The following EDAR variants were observed in gnomAD, a reference collection of about 807,000 sequenced individuals.
The protein encoded by EDAR is ectodysplasin A receptor.
Under a neutral mutation model 51.3 loss-of-function variants are expected in EDAR, and 38 were observed. The ratio of observed to expected loss-of-function variants is 0.74; its 90% confidence interval spans 0.57 to 0.97. The LOEUF is 0.97. EDAR is among the 50% of genes least tolerant of loss of function. The pLI, the probability that EDAR is intolerant of heterozygous loss-of-function variation, is 0.00. For synonymous variants in EDAR, 227 were observed against 242.1 expected, an observed-to-expected ratio of 0.94 and a Z score of 0.58; for missense variants, 528 against 595.0, an observed-to-expected ratio of 0.89 and a Z score of 1.17.
chr2:108,923,899 G>A (rs1372981867), intron 4 of EDAR, among the ~76,000 whole-genome samples: 2 of 152,220 alleles, frequency 1.3e-5, no homozygotes, highest in Admixed American at 6.5e-5. Flanking sequence ...ATAGGCATCA[G>A]TGTGCCTCTG....
intron 1 of EDAR, among the ~76,000 whole-genome samples, chr2:108,950,040 G>A (rs543014168): frequency 7.9e-5 from 12 of 152,182 alleles, no homozygotes; most frequent in East Asian, 1.9e-4. Context: ...CACTGAGTGC[G>A]GCCTGGGCAT....
rs368023178 is a variant in EDAR, at chr2:108,910,566, G to A, written c.731-34C>T. 8 of 1,573,840 alleles carry A rather than the reference G, an allele frequency of 5.1e-6. No individual in the cohort carries two copies. In the South Asian group the frequency reaches 5.6e-5, roughly 11 times the overall value. On this transcript the variant is annotated intron_variant, in intron 8 of 11. Transcript: ENST00000258443. The stretch of plus-strand genomic sequence containing the variant: ...AAATGGGGAGGTTGGGGAGATAGGA[G>A]TTAGAATTGGCTCATGGCTCTGCGC...
At chr2:108,967,898 A>C (rs541181464) in intron 1 of EDAR, among the ~76,000 whole-genome samples, 5 of 152,326 alleles carry the variant, frequency 3.3e-5, no homozygotes, top group Non-Finnish European at 7.4e-5. Flanking sequence ...AAAACCCTCA[A>C]GATTAGTGAG....
At chr2:108,901,116 A>G (rs1481278228) in intron 11 of EDAR, among the ~76,000 whole-genome samples, 1 of 152,212 alleles carries the variant, frequency 6.6e-6, no homozygotes, top group Non-Finnish European at 1.5e-5. Flanking sequence ...CTTAAACCTC[A>G]ACAAATTAAA....
At chr2:108,902,859 C>T (rs1392480601) in intron 11 of EDAR, among the ~76,000 whole-genome samples, 1 of 152,148 alleles carries the variant, frequency 6.6e-6, no homozygotes, top group Non-Finnish European at 1.5e-5. Context: ...TCTGCTTCTG[C>T]TTCATCATTT....
intron 1 of EDAR, among the ~76,000 whole-genome samples, chr2:108,948,052 C>T (rs1697748194): frequency 6.6e-6 from 1 of 152,158 alleles, no homozygotes; most frequent in Admixed American, 6.5e-5. Context: ...AGCCAGGTCA[C>T]ATCTTGAATG....
At chr2:108,944,921 A>G (rs371514186) in intron 1 of EDAR, among the ~76,000 whole-genome samples, 4 of 152,176 alleles carry the variant, frequency 2.6e-5, no homozygotes, top group Non-Finnish European at 5.9e-5. Context: ...GCCCTTTGAC[A>G]TGAGCAGAAG....
At chr2:108,925,394 C>A (rs561227664) in intron 4 of EDAR, among the ~76,000 whole-genome samples, 7 of 152,216 alleles carry the variant, frequency 4.6e-5, no homozygotes, top group African/African-American at 1.7e-4. Flanking sequence ...CAAGGCTACA[C>A]GGCGGATGCA....
chr2:108,898,112 C>T (rs762748171), intron 11 of EDAR, among the ~76,000 whole-genome samples: 2 of 152,152 alleles, frequency 1.3e-5, no homozygotes, highest in Non-Finnish European at 2.9e-5. Context: ...AACATTTAGA[C>T]AATAATTGCT....
intron 1 of EDAR, among the ~76,000 whole-genome samples, chr2:108,949,586 T>C (rs559365741): frequency 6.6e-6 from 1 of 151,494 alleles, no homozygotes; most frequent in South Asian, 2.1e-4. Context: ...TCATAAAATC[T>C]TTTTTTTTCC....
chr2:108,912,703 C>A lies in EDAR; in HGVS notation c.504G>T (p.Leu168=). Residue 168 remains leucine, a synonymous_variant, in exon 6 of 12, where the codon CTG becomes CTT. Transcript: ENST00000258443. The part of the protein sequence containing the change: ...NFPGTSGSST[L]SPFQHAHKEL... ...CTTTGTGGGCGTGCTGGAAGGGAGA[C>A]AGGGTGCTGCTGCCCGAGGTGCCAG... 9 of 1,600,352 alleles carry A rather than the reference C, an allele frequency of 5.6e-6. No homozygotes were observed. The highest frequency in any genetic ancestry group is 6.8e-6 in the Non-Finnish European group (8 of 1,173,832).
chr2:108,967,500 A>G (rs1698167339), intron 1 of EDAR, among the ~76,000 whole-genome samples: 1 of 151,924 alleles, frequency 6.6e-6, no homozygotes, highest in Non-Finnish European at 1.5e-5. Context: ...TTGTCTTTTT[A>G]TCCTTTTTTT....
intron 1 of EDAR, among the ~76,000 whole-genome samples, chr2:108,937,500 TATGA>T (rs1263840489): frequency 1.3e-5 from 2 of 152,274 alleles, no homozygotes; most frequent in African/African-American, 4.8e-5. Flanking sequence ...TGTGTATGTG[TATGA>T]ATGTATGCAT....
intron 1 of EDAR, among the ~76,000 whole-genome samples, chr2:108,977,882 T>C (rs1558844110): frequency 1.3e-5 from 2 of 152,232 alleles, no homozygotes; most frequent in Non-Finnish European, 2.9e-5. Flanking sequence ...CAAGACATCA[T>C]ATTAAATGAC....
chr2:108,964,916 GTTCA>G (rs1698119949), intron 1 of EDAR, among the ~76,000 whole-genome samples: 1 of 152,160 alleles, frequency 6.6e-6, no homozygotes, highest in Admixed American at 6.5e-5. Context: ...ATAAGGAACA[GTTCA>G]TTCATTCTAA....
At chr2:108,902,609 C>G (rs879404373) in intron 11 of EDAR, among the ~76,000 whole-genome samples, 2 of 152,084 alleles carry the variant, frequency 1.3e-5, no homozygotes, top group African/African-American at 4.8e-5. Flanking sequence ...ACCAAGATCT[C>G]TCATGAATAT....
chr2:108,909,155 C>T (rs975724935), intron 9 of EDAR, among the ~76,000 whole-genome samples: 1 of 152,202 alleles, frequency 6.6e-6, no homozygotes, highest in African/African-American at 2.4e-5. Context: ...CTAATAGGGC[C>T]TCCAAATTTT....
chr2:108,910,828 C>T lies in EDAR; in HGVS notation c.678G>A (p.Gly226=). 6.2e-7 allele frequency: 1 copy of T among 1,614,022 alleles called. No individual in the cohort carries two copies. The highest frequency in any genetic ancestry group is 8.5e-7 in the Non-Finnish European group (1 of 1,180,002). ...TGCTCACTTGGGCCTCCACGCTCTT[C>T]CCCGGGTGGCTGGTGCAACAGGCTG... ...SAPACCTSHP[G]KSVEAQVSKD... Residue 226 remains glycine (G), a synonymous_variant, in exon 8 of 12, where the codon GGG becomes GGA. Coordinates refer to ENST00000258443, the MANE Select transcript of EDAR (RefSeq NM_022336.4).
chr2:108,947,008 C>T (rs1697726506), intron 1 of EDAR, among the ~76,000 whole-genome samples: 1 of 152,224 alleles, frequency 6.6e-6, no homozygotes, highest in Non-Finnish European at 1.5e-5. Context: ...AGGCAAATCC[C>T]TTCTGCCTAT....
Sources: gnomAD v4.1 joint callset for allele counts (sites outside exome capture counted in the v4.1 genomes callset) on GRCh38, gnomAD v4.1.1 for gene constraint, MANE v1.5 for transcripts, NCBI Gene and HGNC (gene_info 2026-07-23, HGNC 2026-07-21) for gene names.